ITGAL: variants seen among roughly 807,000 people sequenced by gnomAD.
ITGAL encodes the protein integrin subunit alpha L.
ITGAL carries 68 observed loss-of-function variants against 138.4 expected under a neutral mutation model. That is an observed-to-expected ratio of 0.49 (90% CI 0.40 to 0.60). ITGAL has a LOEUF of 0.60. Among genes scored for constraint, ITGAL ranks in the 20% least tolerant of loss-of-function variants. The pLI is 0.00. For synonymous variants in ITGAL, 561 were observed against 584.3 expected (o/e 0.96, Z 0.57); for missense variants, 1,256 against 1,478.6 (o/e 0.85, Z 2.47).
chr16:30,503,868 T>C (rs1366512398), intron 17 of ITGAL: 1 of 206,610 alleles, frequency 4.8e-6, no homozygotes, highest in African/African-American at 2.3e-5. Context: ...TTAAGCAAAC[T>C]TTGATAATGG....
Position 30,489,018 on chromosome 16 carries a change from C to A in ITGAL, c.1007-64C>A, listed in dbSNP as rs2050686064. Reference sequence around the variant, plus strand: ...ATACCTCACTTCTTCCCCGTCCTGCCATGAATTTTTTTCACTGCATTTACT... The same window carrying A: ...ATACCTCACTTCTTCCCCGTCCTGCAATGAATTTTTTTCACTGCATTTACT... On this transcript the variant is annotated intron_variant, in intron 9 of 30. Transcript: ENST00000356798. 4.4e-6 allele frequency: 6 copies of A among 1,361,570 alleles called. No homozygotes were observed. In the East Asian group the frequency reaches 1.4e-4, roughly 31 times the overall value. 84.3% of individuals were successfully genotyped at this position (1,361,570 alleles called of 1,614,324 possible).
intron 15 of ITGAL, among the ~76,000 whole-genome samples, chr16:30,497,330 G>A (rs1218194483): frequency 2.0e-5 from 3 of 150,616 alleles, no homozygotes; most frequent in Non-Finnish European, 4.4e-5. Context: ...GTGACAGAGT[G>A]AGACTCCGCC....
At chr16:30,481,143 A>ACACAC (rs2050549087) in intron 6 of ITGAL, 12 of 215,990 alleles carry the variant, frequency 5.6e-5, no homozygotes, top group African/African-American at 2.8e-4. Context: ...CTCTACTAAA[A>ACACAC]ACACACACAC....
chr16:30,510,556 G>C (rs1597102789), intron 22 of ITGAL, 85 bp downstream of exon 22: 3 of 809,898 alleles, frequency 3.7e-6, no homozygotes, highest in African/African-American at 3.4e-5. Context: ...CAGGAGAAGG[G>C]AGCAGGTGAT....
intron 10 of ITGAL, 43 bp from the exon 11 acceptor site, chr16:30,489,211 G>A (rs953813431): frequency 6.2e-7 from 1 of 1,613,812 alleles, no homozygotes; most frequent in Non-Finnish European, 8.5e-7. Context: ...TCTGGGGGGT[G>A]GGTCGGTGGG....
At chr16:30,485,801 T>C (rs894755435) in intron 9 of ITGAL, among the ~76,000 whole-genome samples, 1 of 152,078 alleles carries the variant, frequency 6.6e-6, no homozygotes, top group African/African-American at 2.4e-5. Context: ...CCTAAAGTGC[T>C]AGGATTACAG....
intron 9 of ITGAL, 34 bp downstream of exon 9, chr16:30,484,297 T>C (rs771875566): frequency 1.3e-6 from 2 of 1,593,526 alleles, no homozygotes; most frequent in South Asian, 2.2e-5. Context: ...GGCTCGGGAG[T>C]CTGCATAAAG....
rs569389160 is a variant in ITGAL, at chr16:30,518,593, C to T, written c.3133-31C>T. 1.9e-4 allele frequency: 286 copies of T among 1,502,276 alleles called. 1 individual carries two copies. Among genetic ancestry groups the T allele is most frequent in the Middle Eastern group, 8.5e-4 (5 of 5,882 alleles). The allele number at this position is 1,502,276 out of a possible 1,614,324, so 93.1% of individuals were successfully genotyped here. A position where few individuals can be genotyped will look rare whatever the true frequency, so the allele number is the denominator to read the frequency against. On this transcript the variant is annotated intron_variant, in intron 28 of 30. Transcript: ENST00000356798. ...CCAGTGGGTTCTGTCCTCGTTCTCC[C>T]GGGTTCTGACGCCTTTCCCCGCTCC...
At chr16:30,484,596 G>A (rs1873455156) in intron 9 of ITGAL, among the ~76,000 whole-genome samples, 1 of 150,510 alleles carries the variant, frequency 6.6e-6, no homozygotes, top group African/African-American at 2.4e-5. Flanking sequence ...GGTGGCAGAG[G>A]AAGACTCCAT....
rs775326836 is a variant in ITGAL, at chr16:30,483,854, G to C, written c.750G>C (p.Gly250=). 2 of 1,613,980 alleles carry C rather than the reference G, an allele frequency of 1.2e-6. No homozygotes were observed. Among genetic ancestry groups the C allele is most frequent in the South Asian group, 1.1e-5 (1 of 91,076 alleles). The change falls in exon 8 of 31, where the codon GGG becomes GGC. Residue 250 remains glycine (G), a synonymous_variant. Transcript: ENST00000356798. ...CAGAGGTGTTCCGGGAGGAGCTGGGGGCCCGGCCAGATGCCACCAAAGTGC... is the reference window on the plus strand; with the variant it reads ...CAGAGGTGTTCCGGGAGGAGCTGGGCGCCCGGCCAGATGCCACCAAAGTGC... The part of the protein sequence containing the change: ...VATEVFREEL[G]ARPDATKVLI...
intron 21 of ITGAL, among the ~76,000 whole-genome samples, chr16:30,508,156 C>A (rs1193808381): frequency 6.6e-6 from 1 of 151,560 alleles, no homozygotes; most frequent in East Asian, 1.9e-4. Context: ...GATCCACCCG[C>A]CTCAGCCTCC....
chr16:30,481,507 G>A lies in ITGAL; in HGVS notation c.645G>A (p.Lys215=). ...ATTTCTCAGATTATGTTAAACGGAA[G>A]GACCCTGATGCTCTGCTGAAGCATG... The part of the protein sequence containing the change: ...EFDFSDYVKR[K]DPDALLKHVK... Residue 215 remains lysine, a synonymous_variant, in exon 7 of 31, where the codon AAG becomes AAA. Transcript: ENST00000356798. The A allele has an allele frequency of 6.2e-7, 1 of 1,613,176 alleles. No homozygotes were observed. Among genetic ancestry groups the A allele is most frequent in the East Asian group, 2.2e-5 (1 of 44,882 alleles).
chr16:30,478,906 T>C (rs997490592), intron 4 of ITGAL, among the ~76,000 whole-genome samples, 185 bp from the exon 5 acceptor site: 4 of 151,658 alleles, frequency 2.6e-5, no homozygotes, highest in Non-Finnish European at 4.4e-5. Context: ...GCATAGAGCA[T>C]TGGTAGGATG....
At chr16:30,491,903 T>A (rs769709279) in intron 11 of ITGAL, among the ~76,000 whole-genome samples, 1 of 152,184 alleles carries the variant, frequency 6.6e-6, no homozygotes, top group Non-Finnish European at 1.5e-5. Context: ...CCTTGTCTCA[T>A]GGAGTTCAAG....
intron 17 of ITGAL, among the ~76,000 whole-genome samples, chr16:30,501,091 T>C (rs1015562662): frequency 1.3e-5 from 2 of 152,000 alleles, no homozygotes; most frequent in Admixed American, 1.3e-4. Context: ...AGTAATCCTC[T>C]TACCTTGGCC....
chr16:30,484,359 A>G (rs923990676), intron 9 of ITGAL, 96 bp downstream of exon 9: 1 of 1,260,802 alleles, frequency 7.9e-7, no homozygotes, highest in Non-Finnish European at 1.1e-6. Flanking sequence ...CTGTAATCCC[A>G]GCACTTTGGG....
intron 20 of ITGAL, 33 bp downstream of exon 20, chr16:30,505,495 T>C (rs2050973720): frequency 6.4e-7 from 1 of 1,550,730 alleles, no homozygotes; most frequent in Admixed American, 1.7e-5. Flanking sequence ...CAGCCTCCCA[T>C]CCACTCTGTT....
chr16:30,503,441 C>T (rs201704136), intron 17 of ITGAL, among the ~76,000 whole-genome samples: 9 of 133,188 alleles, frequency 6.8e-5, no homozygotes, highest in Admixed American at 1.5e-4. Flanking sequence ...TTTTCATTTT[C>T]TTTTTTTTTT....
chr16:30,473,160 G>A (rs532477755), intron 1 of ITGAL, among the ~76,000 whole-genome samples: 4 of 152,146 alleles, frequency 2.6e-5, no homozygotes, highest in Admixed American at 6.6e-5. Context: ...GGCCAGGCGC[G>A]GTGGCTCACG....
Sources: gnomAD v4.1 joint callset for allele counts (sites outside exome capture counted in the v4.1 genomes callset) on GRCh38, gnomAD v4.1.1 for gene constraint, MANE v1.5 for transcripts, NCBI Gene and HGNC (gene_info 2026-07-23, HGNC 2026-07-21) for gene names.